Variants in ENG observed in about 807,000 individuals in gnomAD.
ENG encodes CD105 antigen.
ENG carries 17 observed loss-of-function variants against 71.0 expected under a neutral mutation model. That is an observed-to-expected ratio of 0.24 (90% CI 0.16 to 0.36). The LOEUF (loss-of-function observed/expected upper bound fraction) is 0.36. ENG is among the 10% of genes least tolerant of loss of function. The probability of loss-of-function intolerance (pLI) is 1.00; values close to 1 mark genes in which losing one functional copy is unlikely to be tolerated. For synonymous variants in ENG, 360 were observed against 366.9 expected (o/e 0.98, Z 0.21); for missense variants, 749 against 868.3 (o/e 0.86, Z 1.73).
Position 127,815,808 on chromosome 9 carries a change from TG to T in ENG, c.1853-3del. 1 of 1,546,922 alleles carries T rather than the reference TG, an allele frequency of 6.5e-7. No individual in the cohort carries two copies. ...CGGGCTCCCGCTTGCTGGGGGAACC[TG>T]GGAGCGGGAGCGGGGGCAGGGGCGG... On this transcript the variant is annotated splice_polypyrimidine_tract_variant and splice_region_variant and intron_variant, in intron 14 of 14. Coordinates refer to ENST00000373203, the MANE Select transcript of ENG (RefSeq NM_001114753.3).
At chr9:127,820,776 C>T (rs1387064623) in intron 8 of ENG, among the ~76,000 whole-genome samples, 1 of 151,582 alleles carries the variant, frequency 6.6e-6, no homozygotes, top group Non-Finnish European at 1.5e-5. Flanking sequence ...TTGCAGTGAG[C>T]CGAGATCGCA....
At chr9:127,832,911 C>T (rs1830799776) in intron 2 of ENG, among the ~76,000 whole-genome samples, 1 of 152,078 alleles carries the variant, frequency 6.6e-6, no homozygotes, top group African/African-American at 2.4e-5. Flanking sequence ...TGCATGCCAC[C>T]ATGCCCAGCT....
rs181679568 is a variant in ENG, at chr9:127,851,766, T to C, written c.67+2523A>G. ...TGGGGCCGGCGCCTGTAGTCCCAGCTACTCGAGAGGATGAGGCAGGAGAAC... is the reference window on the plus strand; with the variant it reads ...TGGGGCCGGCGCCTGTAGTCCCAGCCACTCGAGAGGATGAGGCAGGAGAAC... On this transcript the variant is annotated intron_variant, in intron 1 of 14. Coordinates refer to ENST00000373203, the MANE Select transcript of ENG (RefSeq NM_001114753.3). 7.6e-4 allele frequency among the ~76,000 whole-genome samples: 115 copies of C among 152,140 alleles called. 1 individual carries two copies. Among genetic ancestry groups the C allele is most frequent in the African/African-American group, 2.7e-3 (114 of 41,526 alleles).
At chr9:127,840,297 G>A (rs937228987) in intron 2 of ENG, among the ~76,000 whole-genome samples, 7 of 152,212 alleles carry the variant, frequency 4.6e-5, no homozygotes, top group Admixed American at 3.9e-4. Context: ...TCACTCACAC[G>A]TTCAAGAGTT....
chr9:127,819,633 A>G lies in ENG; in HGVS notation c.1300T>C (p.Ser434Pro). Residue 434 changes from serine to proline, a missense_variant, in exon 10 of 15, where the codon TCA becomes CCA. By Grantham distance (74) the Ser-to-Pro change is moderately conservative. Transcript: ENST00000373203. The stretch of plus-strand genomic sequence containing the variant: ...ACTGTCCATCTCACCCGCTGTGGTG[A>G]TGAGCTCGACAGGATATTGACCACC... The part of the protein sequence containing the change: ...EAVVNILSSS[S>P]PQRKKVHCLN... The G allele has an allele frequency of 6.2e-7, 1 of 1,612,894 alleles. No individual in the cohort carries two copies. The highest frequency in any genetic ancestry group is 1.1e-5 in the South Asian group (1 of 90,754).
intron 1 of ENG, among the ~76,000 whole-genome samples, chr9:127,848,475 A>G (rs1258848784): frequency 6.6e-6 from 1 of 152,058 alleles, no homozygotes; most frequent in African/African-American, 2.4e-5. Flanking sequence ...GTGGAGAAAG[A>G]GTCTTGCTAT....
chr9:127,829,458 C>T (rs1326909761), intron 3 of ENG, among the ~76,000 whole-genome samples: 7 of 152,234 alleles, frequency 4.6e-5, no homozygotes, highest in African/African-American at 1.7e-4. Flanking sequence ...GCACATCAAC[C>T]TGACTCCCAC....
Position 127,840,606 on chromosome 9 carries a change from T to C in ENG, c.219+2488A>G, listed in dbSNP as rs560391998. 2.0e-5 allele frequency among the ~76,000 whole-genome samples: 3 copies of C among 152,322 alleles called. No individual in the cohort carries two copies. The East Asian group carries it at 5.8e-4, about 29-fold the overall frequency. On this transcript the variant is annotated intron_variant, in intron 2 of 14. Coordinates refer to ENST00000373203, the MANE Select transcript of ENG (RefSeq NM_001114753.3). ...TACTCTGTGTTCTCAGGTGAGCTCC[T>C]GAGTCCGAGAAAGGTGTGTCTACCA...
chr9:127,825,872 C>G lies in ENG; in HGVS notation c.524-12G>C. On this transcript the variant is annotated splice_polypyrimidine_tract_variant and intron_variant, in intron 4 of 14. Coordinates refer to ENST00000373203, the MANE Select transcript of ENG (RefSeq NM_001114753.3). ...CAGTGACCCCTGGGCTGCAGAGACA[C>G]GCGCACCTCAGTCCCTTCCCTCAGC... 1.9e-6 allele frequency: 3 copies of G among 1,580,186 alleles called. No individual in the cohort carries two copies. Among genetic ancestry groups the G allele is most frequent in the South Asian group, 2.3e-5 (2 of 86,524 alleles).
chr9:127,819,783 TTC>T, intron 9 of ENG, 115 bp downstream of exon 9: 1 of 1,605,714 alleles, frequency 6.2e-7, no homozygotes, highest in South Asian at 1.1e-5. Flanking sequence ...TTGTCTTGTG[TTC>T]TGAGCCCCTG....
intron 10 of ENG, chr9:127,819,237 C>CTTT: frequency 1.9e-5 from 5 of 268,454 alleles, no homozygotes; most frequent in Admixed American, 5.1e-5. Flanking sequence ...GCGCCCGGCC[C>CTTT]TTTTTTTTTT....
chr9:127,818,511 G>A, intron 11 of ENG, 134 bp from the exon 12 acceptor site: 3 of 1,509,320 alleles, frequency 2.0e-6, no homozygotes, highest in South Asian at 2.3e-5. Flanking sequence ...ACATGGACCT[G>A]TCTGGGGCAG....
chr9:127,843,406 T>G (rs1831089516), intron 1 of ENG, among the ~76,000 whole-genome samples, 161 bp from the exon 2 acceptor site: 1 of 151,500 alleles, frequency 6.6e-6, no homozygotes, highest in Admixed American at 6.6e-5. Flanking sequence ...TTCCATGGAT[T>G]AAAAAAAACC....
At chr9:127,816,458 C>T in intron 13 of ENG, 3 of 336,732 alleles carry the variant, frequency 8.9e-6, no homozygotes, top group South Asian at 5.5e-5. Context: ...AGAGCAGCTC[C>T]GAGTGCCCTG....
intron 2 of ENG, among the ~76,000 whole-genome samples, chr9:127,840,023 CCGT>C (rs1241642651): frequency 6.6e-6 from 1 of 152,230 alleles, no homozygotes; most frequent in Admixed American, 6.5e-5. Flanking sequence ...ATACGCTGAG[CCGT>C]CACTCCAGGC....
At chr9:127,825,941 ATAG>A (rs1830605635) in intron 4 of ENG, 81 bp from the exon 5 acceptor site, 6 of 1,526,252 alleles carry the variant, frequency 3.9e-6, no homozygotes, top group African/African-American at 1.4e-5. Flanking sequence ...ACAGCCAAAG[ATAG>A]TGGTGGGGCA....
intron 8 of ENG, among the ~76,000 whole-genome samples, chr9:127,823,452 G>A (rs1273178864): frequency 1.3e-5 from 2 of 148,758 alleles, no homozygotes; most frequent in South Asian, 2.1e-4. Context: ...ACAGTGGTGC[G>A]ATCTCAGCTC....
chr9:127,830,460 T>C lies in ENG; in HGVS notation c.220-633A>G, dbSNP rs538440108. Among the ~76,000 whole-genome samples, 217 of 149,798 alleles carry C rather than the reference T, an allele frequency of 1.4e-3. 1 individual carries two copies. Among genetic ancestry groups the C allele is most frequent in the African/African-American group, 4.9e-3 (201 of 40,686 alleles). ...GAGTTCGAGACTAGTCTGTCCAACA[T>C]GGTGAAACCCCGTCTTTACTAAAAA... On this transcript the variant is annotated intron_variant, in intron 2 of 14. Coordinates refer to ENST00000373203, the MANE Select transcript of ENG (RefSeq NM_001114753.3).
At chr9:127,834,320 C>G (rs1830843038) in intron 2 of ENG, among the ~76,000 whole-genome samples, 2 of 152,164 alleles carry the variant, frequency 1.3e-5, no homozygotes, top group South Asian at 4.2e-4. Context: ...TCACCGCAAC[C>G]TCCACCTCCC....
Sources: gnomAD v4.1 joint callset for allele counts (sites outside exome capture counted in the v4.1 genomes callset) on GRCh38, gnomAD v4.1.1 for gene constraint, MANE v1.5 for transcripts, NCBI Gene and HGNC (gene_info 2026-07-23, HGNC 2026-07-21) for gene names.